Variants in ACAN observed in about 807,000 individuals in gnomAD.
ACAN encodes aggrecan, also known as aggrecan core protein.
In ACAN, 47 loss-of-function variants were observed where a neutral mutation model predicts 169.1. The ratio of observed to expected loss-of-function variants is 0.28; its 90% CI spans 0.22 to 0.35. The LOEUF (loss-of-function observed/expected upper bound fraction) is 0.35, where lower values mean the gene tolerates loss of function less well. Ranked by LOEUF, ACAN falls within the 10% of genes least tolerant of loss-of-function variation. ACAN has a pLI of 1.00. For synonymous variants in ACAN, 1,115 were observed against 1,112.2 expected, an observed-to-expected ratio of 1.00 and a Z score of -0.05; for missense variants, 2,716 against 2,759.9, an observed-to-expected ratio of 0.98 and a Z score of 0.36.
chr15:88,815,655 TTA>T (rs1491315340), intron 1 of ACAN, among the ~76,000 whole-genome samples: 9,476 of 71,540 alleles, frequency 0.13, 230 homozygotes, highest in East Asian at 0.31. Context: ...TCTGCACTGA[TTA>T]AAAAAAAAAA....
chr15:88,851,653 G>A lies in ACAN; in HGVS notation c.2027-141G>A, dbSNP rs1056335771. 10 of 992,266 alleles carry A rather than the reference G, an allele frequency of 1.0e-5. No individual in the cohort carries two copies. The highest frequency in any genetic ancestry group is 3.3e-5 in the African/African-American group (2 of 60,982). The allele number at this position is 992,266 out of a possible 1,614,324, so 61.5% of individuals were successfully genotyped here. A position where few individuals can be genotyped will look rare whatever the true frequency, so the allele number is the denominator to read the frequency against. On this transcript the variant is annotated intron_variant, in intron 10 of 18. Coordinates refer to ENST00000560601, the MANE Select transcript of ACAN (RefSeq NM_001369268.1). The surrounding 1 kb of genome is among the most constrained non-coding windows in gnomAD (Gnocchi z 4.3). The stretch of plus-strand genomic sequence containing the variant: ...TTGGTGCCGATGGCTCTTACTAAGC[G>A]AGAAGGCAAACAGCCATCTGCTGAA...
chr15:88,825,259 AC>A (rs1896184677), intron 1 of ACAN, among the ~76,000 whole-genome samples: 1 of 151,894 alleles, frequency 6.6e-6, no homozygotes, highest in Non-Finnish European at 1.5e-5. Context: ...TTTTGCTCCC[AC>A]CCCCTCCAGC....
At position 88,873,945 on chromosome 15, in the gene ACAN, G is replaced by T; in HGVS notation, c.7551G>T (p.Gly2517=). 1 of 1,613,580 alleles carries T rather than the reference G, an allele frequency of 6.2e-7. No homozygotes were observed. Among genetic ancestry groups the T allele is most frequent in the Non-Finnish European group, 8.5e-7 (1 of 1,179,876 alleles). Residue 2517 remains glycine (G), a synonymous_variant, in exon 18 of 19, where the codon GGG becomes GGT. Coordinates refer to ENST00000560601, the MANE Select transcript of ACAN (RefSeq NM_001369268.1). The surrounding 1 kb of genome is among the most constrained non-coding windows in gnomAD (Gnocchi z 7.5). ...TGGTGCGGTACCAGTGCACAGAGGG[G>T]TTTGTCCAGCGCCACATGCCCACCA... The part of the protein sequence containing the change: ...NSLVRYQCTE[G]FVQRHMPTIR...
intron 1 of ACAN, among the ~76,000 whole-genome samples, chr15:88,811,387 G>A (rs1404596845): frequency 6.6e-6 from 1 of 152,190 alleles, no homozygotes; most frequent in Non-Finnish European, 1.5e-5. Context: ...GCTGCACCCA[G>A]GCCAAGGGGC....
At position 88,855,067 on chromosome 15, in the gene ACAN, G is replaced by C; in HGVS notation, c.2482G>C (p.Glu828Gln). The C allele has an allele frequency of 6.3e-7, 1 of 1,583,654 alleles. No homozygotes were observed. The highest frequency in any genetic ancestry group is 8.6e-7 in the Non-Finnish European group (1 of 1,167,036). Reference protein sequence around the residue: ...FPSEEPFPSKEPSPSEEPSAS... With the variant: ...FPSEEPFPSKQPSPSEEPSAS... ...CTCAGAGGAGCCATTCCCCTCCAAG[G>C]AGCCATCCCCCTCAGAGGAACCATC... Residue 828 changes from glutamate (E) to glutamine (Q), a missense_variant, in exon 12 of 19, where the codon GAG becomes CAG. This residue lies in a region of ACAN where 1,283 missense variants were observed against 1,281.5 expected (regional missense o/e 1.00). Transcript: ENST00000560601.
chr15:88,829,024 G>A (rs976921323), intron 1 of ACAN, among the ~76,000 whole-genome samples: 1 of 152,130 alleles, frequency 6.6e-6, no homozygotes, highest in South Asian at 2.1e-4. Context: ...GGCCTTGAAG[G>A]GTTTATCTCC....
chr15:88,849,961 G>A lies in ACAN; in HGVS notation c.2026+230G>A. The A allele has an allele frequency of 4.6e-6, 3 of 658,550 alleles. No individual in the cohort carries two copies. The highest frequency in any genetic ancestry group is 2.4e-5 in the Admixed American group (1 of 41,638). The allele number at this position is 658,550 out of a possible 1,614,324, so 40.8% of individuals were successfully genotyped here. On this transcript the variant is annotated intron_variant, in intron 10 of 18. Coordinates refer to ENST00000560601, the MANE Select transcript of ACAN (RefSeq NM_001369268.1). The surrounding 1 kb of genome is among the most constrained non-coding windows in gnomAD (Gnocchi z 5.1). ...GTAGAGATAAATAAGAACTTGAGCT[G>A]GTATTTATGTCTACTAGAAATGAAG...
At chr15:88,846,070 C>A (rs995137282) in intron 7 of ACAN, among the ~76,000 whole-genome samples, 188 bp downstream of exon 7, 4 of 152,246 alleles carry the variant, frequency 2.6e-5, no homozygotes, top group African/African-American at 9.6e-5. Context: ...CAGGTCCACA[C>A]TCTTGCCACC....
intron 1 of ACAN, among the ~76,000 whole-genome samples, chr15:88,821,818 C>T (rs1454821069): frequency 6.6e-6 from 1 of 152,080 alleles, no homozygotes; most frequent in African/African-American, 2.4e-5. Flanking sequence ...CCCTCTGGTT[C>T]AGTAATTTGC....
intron 1 of ACAN, among the ~76,000 whole-genome samples, chr15:88,819,535 G>A (rs1291071070): frequency 2.0e-5 from 3 of 151,670 alleles, no homozygotes; most frequent in Non-Finnish European, 4.4e-5. Context: ...GGTTGAGGTG[G>A]GGGAATTGCT....
chr15:88,852,120 C>T, intron 11 of ACAN, 87 bp downstream of exon 11: 5 of 1,492,414 alleles, frequency 3.4e-6, no homozygotes, highest in South Asian at 2.6e-5. Flanking sequence ...GGGGGGTTCC[C>T]TCCCTGGGAT....
Position 88,871,999 on chromosome 15 carries a change from C to G in ACAN, c.7220-4C>G. On this transcript the variant is annotated splice_region_variant and splice_polypyrimidine_tract_variant and intron_variant, in intron 15 of 18. Transcript: ENST00000560601. The surrounding 1 kb of genome is among the most constrained non-coding windows in gnomAD (Gnocchi z 7.8). ...GATGCCTGACACCCTCACCCTTTCC[C>G]CAGACAATGCCCAAGACTACCAGTG... 1 of 1,613,702 alleles carries G rather than the reference C, an allele frequency of 6.2e-7. No individual in the cohort carries two copies.
At chr15:88,826,510 C>T (rs1896226190) in intron 1 of ACAN, among the ~76,000 whole-genome samples, 1 of 151,486 alleles carries the variant, frequency 6.6e-6, no homozygotes, top group Non-Finnish European at 1.5e-5. Flanking sequence ...CTCAGAGCCC[C>T]AGCAGGGCCC....
In ACAN at chr15:88,870,512, A is replaced by G. The variant is rs1030763883; in HGVS notation, c.7061-870A>G. Among the ~76,000 whole-genome samples, 3 of 152,164 alleles carry G rather than the reference A, an allele frequency of 2.0e-5. No homozygotes were observed. Among genetic ancestry groups the G allele is most frequent in the Non-Finnish European group, 2.9e-5 (2 of 68,024 alleles). ...TAAATGCTTCCACCGGGGCCAGTTT[A>G]AAGCTATCAACATGATGTCACTGAA... is the stretch of plus-strand genomic sequence containing the variant. On this transcript the variant is annotated intron_variant, in intron 14 of 18. Transcript: ENST00000560601. This position sits in a 1 kb window ranked among gnomAD's most constrained non-coding sequence, Gnocchi z 6.3.
chr15:88,812,008 G>T lies in ACAN; in HGVS notation c.-8+8199G>T, dbSNP rs558207700. Reference sequence around the variant, plus strand: ...GTTGTGACTTGTCAATATTTTGACAGAGGGTCTCCTGGTGTGGGAGACCTG... The same window carrying T: ...GTTGTGACTTGTCAATATTTTGACATAGGGTCTCCTGGTGTGGGAGACCTG... On this transcript the variant is annotated intron_variant, in intron 1 of 18. Transcript: ENST00000560601. Among the ~76,000 whole-genome samples the T allele has an allele frequency of 3.3e-5, 5 of 152,316 alleles. No homozygotes were observed. In the East Asian group the frequency reaches 9.6e-4, roughly 29 times the overall value.
chr15:88,854,532 CG>C (rs1567183683), intron 11 of ACAN, among the ~76,000 whole-genome samples: 1 of 152,176 alleles, frequency 6.6e-6, no homozygotes, highest in Non-Finnish European at 1.5e-5. Flanking sequence ...TGGTGGCCCC[CG>C]CATCTCACAC....
intron 11 of ACAN, 133 bp from the exon 12 acceptor site, chr15:88,854,719 T>C: frequency 1.0e-6 from 1 of 960,076 alleles, no homozygotes; most frequent in Non-Finnish European, 1.4e-6. Flanking sequence ...TTAGAAAGCA[T>C]TTGGACACGT....
Position 88,872,500 on chromosome 15 carries a change from T to G in ACAN, c.7303-381T>G, listed in dbSNP as rs1897404574. ...GAAGGATAAGTCTTGGGAGGACTTC[T>G]TGGTGGGCAGAAGCTGGACTTAAGA... On this transcript the variant is annotated intron_variant, in intron 16 of 18. Coordinates refer to ENST00000560601, the MANE Select transcript of ACAN (RefSeq NM_001369268.1). This position sits in a 1 kb window ranked among gnomAD's most constrained non-coding sequence, Gnocchi z 5.4. Among the ~76,000 whole-genome samples, 1 of 152,174 alleles carries G rather than the reference T, an allele frequency of 6.6e-6. No individual in the cohort carries two copies. The highest frequency in any genetic ancestry group is 1.5e-5 in the Non-Finnish European group (1 of 68,016).
intron 1 of ACAN, among the ~76,000 whole-genome samples, chr15:88,832,822 C>G (rs538800248): frequency 6.6e-6 from 1 of 152,218 alleles, no homozygotes; most frequent in East Asian, 1.9e-4. Context: ...CTGAGAGGCT[C>G]ACTCAGGCCT....
Sources: allele counts gnomAD v4.1 joint callset (sites outside exome capture counted in the v4.1 genomes callset), GRCh38; gene constraint gnomAD v4.1.1; regional missense constraint gnomAD v4.1.1; non-coding constraint Gnocchi (gnomAD v3.1); transcripts MANE v1.5; gene names NCBI Gene and HGNC (gene_info 2026-07-23, HGNC 2026-07-21).